TSNAX: variants seen among roughly 807,000 people sequenced by gnomAD.
TSNAX encodes translin-associated protein X.
TSNAX carries 12 observed loss-of-function variants against 33.0 expected under a neutral mutation model. The observed-to-expected ratio is 0.36, with a 90% CI of 0.23 to 0.59. TSNAX has a LOEUF of 0.59. Among genes scored for constraint, TSNAX ranks in the 20% least tolerant of loss-of-function variants. TSNAX has a pLI of 0.74. For synonymous variants in TSNAX, 110 were observed against 117.2 expected (o/e 0.94, Z 0.40); for missense variants, 267 against 341.3 (o/e 0.78, Z 1.72).
intron 4 of TSNAX, among the ~76,000 whole-genome samples, chr1:231,549,354 A>C (rs1660153514): frequency 6.6e-6 from 1 of 152,144 alleles, no homozygotes; most frequent in Non-Finnish European, 1.5e-5. Context: ...CAGGAGGCGG[A>C]GGTTGCAATG....
intron 3 of TSNAX, among the ~76,000 whole-genome samples, chr1:231,538,944 A>AC (rs1659371442): frequency 6.6e-6 from 1 of 152,112 alleles, no homozygotes; most frequent in Admixed American, 6.5e-5. Context: ...AAAAAAAAAA[A>AC]AAAAAGATAC....
intron 2 of TSNAX, among the ~76,000 whole-genome samples, chr1:231,532,161 C>CACACACACACACACACAT (rs1658784484): frequency 1.1e-5 from 1 of 91,912 alleles, no homozygotes; most frequent in Non-Finnish European, 2.6e-5. Flanking sequence ...CACACACACA[C>CACACACACACACACACAT]ACACACACAC....
At chr1:231,543,935 G>A (rs1003757360) in intron 4 of TSNAX, among the ~76,000 whole-genome samples, 3 of 152,184 alleles carry the variant, frequency 2.0e-5, no homozygotes, top group Non-Finnish European at 4.4e-5. Context: ...GACAGATTTG[G>A]CTGGAGTGGG....
intron 4 of TSNAX, among the ~76,000 whole-genome samples, chr1:231,560,167 A>G (rs1428994903): frequency 2.0e-5 from 3 of 149,790 alleles, no homozygotes; most frequent in Non-Finnish European, 4.5e-5. Context: ...TTTTAGTAGA[A>G]ATGTGGTTTC....
intron 4 of TSNAX, among the ~76,000 whole-genome samples, chr1:231,545,951 T>A (rs1444214346): frequency 6.6e-6 from 1 of 152,176 alleles, no homozygotes; most frequent in Non-Finnish European, 1.5e-5. Flanking sequence ...CCCACATGGA[T>A]TTCATTTACC....
chr1:231,538,369 G>A (rs1395619987), intron 3 of TSNAX, among the ~76,000 whole-genome samples: 2 of 152,150 alleles, frequency 1.3e-5, no homozygotes, highest in Non-Finnish European at 1.5e-5. Flanking sequence ...GTTTTGACTA[G>A]TAAACTGAGA....
At chr1:231,564,401 T>C in intron 5 of TSNAX, 127 bp from the exon 6 acceptor site, 3 of 1,466,970 alleles carry the variant, frequency 2.0e-6, no homozygotes, top group Non-Finnish European at 2.7e-6. Flanking sequence ...AAAATTAGTA[T>C]GACTGATTTG....
chr1:231,541,872 A>G (rs1161154436), intron 3 of TSNAX, among the ~76,000 whole-genome samples: 4 of 152,186 alleles, frequency 2.6e-5, no homozygotes, highest in Admixed American at 6.5e-5. Context: ...GGTTGCTTCT[A>G]TAAATCTCTG....
intron 3 of TSNAX, 136 bp downstream of exon 3, chr1:231,537,463 G>A: frequency 1.8e-6 from 1 of 555,054 alleles, no homozygotes; most frequent in Non-Finnish European, 3.1e-6. Flanking sequence ...GGTCTCAGCT[G>A]GGTGTGGTGG....
At chr1:231,557,827 T>G (rs1202423411) in intron 4 of TSNAX, among the ~76,000 whole-genome samples, 2 of 152,170 alleles carry the variant, frequency 1.3e-5, no homozygotes, top group Non-Finnish European at 2.9e-5. Context: ...ATACCATTAT[T>G]TATTTTCCTA....
At chr1:231,556,489 T>A (rs1268126959) in intron 4 of TSNAX, among the ~76,000 whole-genome samples, 1 of 152,224 alleles carries the variant, frequency 6.6e-6, no homozygotes, top group Admixed American at 6.5e-5. Context: ...GTGTTTGTGG[T>A]CTTATCAACA....
At chr1:231,534,137 A>G (rs985789162) in intron 2 of TSNAX, 1 of 152,196 alleles carries the variant, frequency 6.6e-6, no homozygotes, top group Non-Finnish European at 1.5e-5. Flanking sequence ...ATATTCCTCA[A>G]CTTAGATTTG....
In TSNAX at chr1:231,556,498, C is replaced by T. The variant is rs538796003; in HGVS notation, c.368-4630C>T. Among the ~76,000 whole-genome samples the T allele has an allele frequency of 6.6e-5, 10 of 152,290 alleles. No individual in the cohort carries two copies. In the South Asian group the frequency reaches 1.9e-3, roughly 28 times the overall value. On this transcript the variant is annotated intron_variant, in intron 4 of 5. Transcript: ENST00000366639. ...GCTAAAGTGTTTGTGGTCTTATCAA[C>T]AGCTACATATGAAATAATACTAAAT...
chr1:231,553,556 G>A (rs541360317), intron 4 of TSNAX, among the ~76,000 whole-genome samples: 9 of 152,224 alleles, frequency 5.9e-5, no homozygotes, highest in Non-Finnish European at 1.2e-4. Flanking sequence ...CTTTTTATCA[G>A]GTTGAAACAT....
intron 4 of TSNAX, among the ~76,000 whole-genome samples, chr1:231,556,598 T>C (rs1428513293): frequency 6.6e-6 from 1 of 152,218 alleles, no homozygotes; most frequent in Non-Finnish European, 1.5e-5. Context: ...GTAAGGCTGC[T>C]TATCCTGTTT....
chr1:231,565,723 CAAAAAAAGAAAGAAA>C lies in TSNAX; in HGVS notation c.*819_*833del, dbSNP rs1661379928. 6.6e-6 allele frequency: 1 copy of C among 151,010 alleles called. No homozygotes were observed. Among genetic ancestry groups the C allele is most frequent in the Non-Finnish European group, 1.5e-5 (1 of 67,786 alleles). 9.4% of individuals were successfully genotyped at this position (151,010 alleles called of 1,614,324 possible). ...TGGGTAACAGAGCAAGACTCCATCT[CAAAAAAAGAAAGAAA>C]GAAAAAAGAAAGTACAAGTTTATAA... On this transcript the variant is annotated 3_prime_UTR_variant, in exon 6 of 6. Coordinates refer to ENST00000366639, the MANE Select transcript of TSNAX (RefSeq NM_005999.3).
intron 2 of TSNAX, among the ~76,000 whole-genome samples, chr1:231,532,159 C>CACACACAT (rs1553265103): frequency 2.2e-5 from 2 of 89,350 alleles, no homozygotes; most frequent in Admixed American, 1.3e-4. Context: ...CACACACACA[C>CACACACAT]ACACACACAC....
At chr1:231,559,608 G>A (rs1340346385) in intron 4 of TSNAX, among the ~76,000 whole-genome samples, 1 of 152,226 alleles carries the variant, frequency 6.6e-6, no homozygotes, top group Admixed American at 6.5e-5. Flanking sequence ...GATTACAGGT[G>A]TGAGCCACCG....
chr1:231,562,039 TC>T (rs1328289912), intron 5 of TSNAX, among the ~76,000 whole-genome samples: 12 of 151,928 alleles, frequency 7.9e-5, no homozygotes, highest in Admixed American at 2.0e-4. Context: ...ACTATTTTTT[TC>T]CTTCTGGGTT....
Sources: allele counts gnomAD v4.1 joint callset (sites outside exome capture counted in the v4.1 genomes callset), GRCh38; gene constraint gnomAD v4.1.1; transcripts MANE v1.5; gene names NCBI Gene and HGNC (gene_info 2026-07-23, HGNC 2026-07-21).